Variants in FLI1 observed in about 807,000 individuals in gnomAD.
The protein encoded by FLI1 is Friend leukemia integration 1 transcription factor.
Under a neutral mutation model 53.1 loss-of-function variants are expected in FLI1, and 13 were observed. The observed-to-expected ratio is 0.24, with a 90% CI of 0.16 to 0.39. The LOEUF (loss-of-function observed/expected upper bound fraction) is 0.39, where lower values mean the gene tolerates loss of function less well. Among genes scored for constraint, FLI1 ranks in the 10% least tolerant of loss-of-function variants. The pLI is 1.00. For synonymous variants in FLI1, 244 were observed against 236.7 expected, an observed-to-expected ratio of 1.03 and a Z score of -0.28; for missense variants, 424 against 600.5, an observed-to-expected ratio of 0.71 and a Z score of 3.07.
rs145756110 is a variant in FLI1, at chr11:128,695,690, C to T, written c.18+1414C>T. On this transcript the variant is annotated intron_variant, in intron 1 of 8. Transcript: ENST00000527786. ...ATGGGTTAAAGGGAGCTATAAGAGC[C>T]TATAAGAGCCTGGGTTCCTCAAACC... Among the ~76,000 whole-genome samples the T allele has an allele frequency of 1.0e-3, 152 of 152,156 alleles. 1 individual carries two copies. Among genetic ancestry groups the T allele is most frequent in the African/African-American group, 3.5e-3 (146 of 41,496 alleles).
chr11:128,801,166 C>A (rs1235632689), intron 5 of FLI1, among the ~76,000 whole-genome samples: 1 of 152,218 alleles, frequency 6.6e-6, no homozygotes, highest in Non-Finnish European at 1.5e-5. Flanking sequence ...AGAGGGCCTC[C>A]ATGCACGCTC....
At position 128,768,533 on chromosome 11, in the gene FLI1, A is replaced by T. The variant is rs1231271; in HGVS notation, c.385+261A>T. The stretch of plus-strand genomic sequence containing the variant: ...ATCTCTACTAAAAAAAAAAAAAAAT[A>T]CAAAAATTAGCCAGGTGTGGTAGTG... On this transcript the variant is annotated intron_variant, in intron 3 of 8. Coordinates refer to ENST00000527786, the MANE Select transcript of FLI1 (RefSeq NM_002017.5). The T allele has an allele frequency of 0.2, 87,433 of 431,480 alleles. 10,315 individuals are homozygous for T. The highest frequency in any genetic ancestry group is 0.32 in the Admixed American group (9,045 of 28,572). 26.7% of individuals were successfully genotyped at this position (431,480 alleles called of 1,614,324 possible).
Position 128,781,948 on chromosome 11 carries a change from T to C in FLI1, c.590-10T>C, listed in dbSNP as rs1941929294. On this transcript the variant is annotated splice_polypyrimidine_tract_variant and intron_variant, in intron 4 of 8. Coordinates refer to ENST00000527786, the MANE Select transcript of FLI1 (RefSeq NM_002017.5). ...TTTTGGTTATAACCTGTTTATGTTT[T>C]GCCTCTCAGGTTCACTGCTGGCCTA... is the stretch of plus-strand genomic sequence containing the variant. 6.2e-7 allele frequency: 1 copy of C among 1,611,704 alleles called. No homozygotes were observed. Among genetic ancestry groups the C allele is most frequent in the South Asian group, 1.1e-5 (1 of 91,050 alleles).
intron 4 of FLI1, 106 bp from the exon 5 acceptor site, chr11:128,781,852 C>A: frequency 1.1e-6 from 1 of 876,590 alleles, no homozygotes; most frequent in Non-Finnish European, 1.9e-6. Context: ...TGTCCCTCTT[C>A]CCCTCTCCCC....
At chr11:128,807,067 G>T (rs1301006019) in intron 6 of FLI1, 113 bp from the exon 7 acceptor site, 2 of 491,320 alleles carry the variant, frequency 4.1e-6, no homozygotes, top group Non-Finnish European at 7.2e-6. Flanking sequence ...ATGAATAAAT[G>T]AGTCAGTGGA....
At chr11:128,799,049 A>ATTTTTTTTTTT (rs1184910280) in intron 5 of FLI1, among the ~76,000 whole-genome samples, 10 of 137,274 alleles carry the variant, frequency 7.3e-5, no homozygotes, top group African/African-American at 2.7e-4. Flanking sequence ...TATTATTATT[A>ATTTTTTTTTTT]TTATTTTGCT....
intron 4 of FLI1, among the ~76,000 whole-genome samples, chr11:128,776,435 G>GT (rs1941728890): frequency 6.6e-6 from 1 of 152,242 alleles, no homozygotes; most frequent in African/African-American, 2.4e-5. Context: ...TGGATCACCT[G>GT]AGGCCAGAAG....
At chr11:128,710,516 A>G (rs2135717476) in intron 1 of FLI1, among the ~76,000 whole-genome samples, 1 of 152,246 alleles carries the variant, frequency 6.6e-6, no homozygotes, top group East Asian at 1.9e-4. Context: ...ACAAATCACC[A>G]CCAAGACCGA....
chr11:128,711,467 T>A (rs1224655933), intron 1 of FLI1, among the ~76,000 whole-genome samples: 1 of 152,260 alleles, frequency 6.6e-6, no homozygotes, highest in Non-Finnish European at 1.5e-5. Flanking sequence ...GGCTTCATCA[T>A]CAATTCTCTG....
Position 128,694,102 on chromosome 11 carries a change from C to A in FLI1, c.-157C>A. The A allele has an allele frequency of 1.7e-6, 1 of 593,406 alleles. No individual in the cohort carries two copies. The highest frequency in any genetic ancestry group is 2.8e-6 in the Non-Finnish European group (1 of 363,392). 36.8% of individuals were successfully genotyped at this position (593,406 alleles called of 1,614,324 possible). ...TCGCTCCGCTACAACAACAAACGTG[C>A]ACAGGGGAGTGAGGGCAGGGCGCTC... On this transcript the variant is annotated 5_prime_UTR_variant, in exon 1 of 9. Coordinates refer to ENST00000527786, the MANE Select transcript of FLI1 (RefSeq NM_002017.5).
At chr11:128,756,527 A>G (rs111469924) in intron 1 of FLI1, among the ~76,000 whole-genome samples, 32 of 152,358 alleles carry the variant, frequency 2.1e-4, no homozygotes, top group Middle Eastern at 3.4e-3. Context: ...GTGAGGACAC[A>G]AGGCAGCCCC....
intron 1 of FLI1, among the ~76,000 whole-genome samples, chr11:128,752,936 C>T (rs1280766195): frequency 6.6e-6 from 1 of 152,208 alleles, no homozygotes; most frequent in Admixed American, 6.5e-5. Context: ...CAGCTGGATC[C>T]AGGACCAGGA....
intron 1 of FLI1, among the ~76,000 whole-genome samples, chr11:128,695,186 G>A (rs185598410): frequency 1.3e-5 from 2 of 152,338 alleles, no homozygotes; most frequent in Non-Finnish European, 2.9e-5. Flanking sequence ...CCTGGGTCTA[G>A]GTTGCAAAGT....
At chr11:128,768,323 G>A (rs546849429) in intron 3 of FLI1, 51 bp downstream of exon 3, 10 of 1,450,734 alleles carry the variant, frequency 6.9e-6, no homozygotes, top group Middle Eastern at 1.7e-4. Flanking sequence ...CCACTCTCTG[G>A]GGGGGCAGGG....
At chr11:128,699,525 T>C (rs1198245515) in intron 1 of FLI1, among the ~76,000 whole-genome samples, 2 of 152,218 alleles carry the variant, frequency 1.3e-5, no homozygotes, top group Non-Finnish European at 2.9e-5. Context: ...AATAGCTTTT[T>C]TCGTAATCTC....
intron 2 of FLI1, among the ~76,000 whole-genome samples, chr11:128,761,646 C>T (rs1941127028): frequency 6.6e-6 from 1 of 152,130 alleles, no homozygotes; most frequent in East Asian, 1.9e-4. Flanking sequence ...ATGCTGCTCA[C>T]CACTCCCTCC....
intron 6 of FLI1, 27 bp downstream of exon 6, chr11:128,805,458 G>A (rs1367358004): frequency 9.9e-6 from 14 of 1,411,750 alleles, no homozygotes; most frequent in Admixed American, 7.8e-5. Flanking sequence ...TAGTTCTTTG[G>A]AGGAAAGCAT....
intron 1 of FLI1, among the ~76,000 whole-genome samples, chr11:128,733,980 G>A (rs1306390725): frequency 2.6e-5 from 4 of 152,196 alleles, no homozygotes; most frequent in Admixed American, 1.3e-4. Context: ...GATTATGACC[G>A]GGGCTTGCTG....
chr11:128,771,416 T>G (rs986919271), intron 3 of FLI1, among the ~76,000 whole-genome samples: 4 of 152,144 alleles, frequency 2.6e-5, no homozygotes, highest in African/African-American at 9.7e-5. Context: ...AAAACCAAGG[T>G]GGAATGGAGA....
Sources: allele counts gnomAD v4.1 joint callset (sites outside exome capture counted in the v4.1 genomes callset), GRCh38; gene constraint gnomAD v4.1.1; transcripts MANE v1.5; gene names NCBI Gene and HGNC (gene_info 2026-07-23, HGNC 2026-07-21).